SYNJ1: variants seen among roughly 807,000 people sequenced by gnomAD.
SYNJ1 encodes the protein polyphosphatidylinositol phosphatase SYNJ1.
A neutral mutation model predicts 168.2 loss-of-function variants in SYNJ1; 78 were observed. That is an observed-to-expected ratio of 0.46 (90% CI 0.39 to 0.56). The LOEUF (loss-of-function observed/expected upper bound fraction) is 0.56. Among genes scored for constraint, SYNJ1 ranks in the 20% least tolerant of loss-of-function variants. The pLI, the probability that SYNJ1 is intolerant of heterozygous loss-of-function variation, is 0.00. For missense variants in SYNJ1, 1,303 were observed against 1,597.6 expected (o/e 0.82, Z 3.14); for synonymous variants, 539 against 548.6 (o/e 0.98, Z 0.24).
chr21:32,717,565 T>C (rs1290434534), intron 2 of SYNJ1, among the ~76,000 whole-genome samples: 1 of 152,212 alleles, frequency 6.6e-6, no homozygotes, highest in Non-Finnish European at 1.5e-5. Context: ...TTTGCCCCTT[T>C]ACTGAAGCAG....
intron 2 of SYNJ1, among the ~76,000 whole-genome samples, chr21:32,705,520 T>A (rs1484424799): frequency 2.0e-5 from 3 of 152,172 alleles, no homozygotes; most frequent in Non-Finnish European, 4.4e-5. Flanking sequence ...TTGAAGGGGC[T>A]TCTACTGGTG....
intron 2 of SYNJ1, among the ~76,000 whole-genome samples, chr21:32,710,809 TAAG>T (rs1232783950): frequency 2.0e-5 from 3 of 152,092 alleles, no homozygotes; most frequent in Non-Finnish European, 4.4e-5. Context: ...TATAATAAAT[TAAG>T]AAAGGAAAAG....
At chr21:32,645,913 T>C (rs2089456778) in intron 24 of SYNJ1, 124 bp from the exon 25 acceptor site, 2 of 1,348,992 alleles carry the variant, frequency 1.5e-6, no homozygotes, top group Non-Finnish European at 2.1e-6. Context: ...AAAGGGCATG[T>C]ATTTTCAGTA....
At chr21:32,664,202 G>C (rs1443453403) in intron 18 of SYNJ1, among the ~76,000 whole-genome samples, 1 of 152,226 alleles carries the variant, frequency 6.6e-6, no homozygotes, top group African/African-American at 2.4e-5. Context: ...TTCAGCGCAA[G>C]TGTACCATAT....
At chr21:32,645,987 T>A in intron 24 of SYNJ1, 198 bp from the exon 25 acceptor site, 1 of 885,614 alleles carries the variant, frequency 1.1e-6, no homozygotes, top group Non-Finnish European at 1.9e-6. Flanking sequence ...TAATGCTACC[T>A]CTGTGCTGAC....
Position 32,629,984 on chromosome 21 carries a change from A to G in SYNJ1, c.*1821T>C, listed in dbSNP as rs2039259855. 1 of 152,306 alleles carries G rather than the reference A, an allele frequency of 6.6e-6. No homozygotes were observed. Among genetic ancestry groups the G allele is most frequent in the African/African-American group, 2.4e-5 (1 of 41,470 alleles). 9.4% of individuals were successfully genotyped at this position (152,306 alleles called of 1,614,324 possible). On this transcript the variant is annotated 3_prime_UTR_variant, in exon 33 of 33. Coordinates refer to ENST00000674351, the MANE Select transcript of SYNJ1 (RefSeq NM_203446.3). ...CAGGGGACAGCTGCTTTCCCTGCTA[A>G]AAGCAAAGTTCCAGAGCAAAAGCAG...
At chr21:32,703,833 C>T (rs1370385078) in intron 2 of SYNJ1, among the ~76,000 whole-genome samples, 1 of 151,964 alleles carries the variant, frequency 6.6e-6, no homozygotes, top group Non-Finnish European at 1.5e-5. Flanking sequence ...CCCACCTCAG[C>T]CTCCCAAGGA....
rs571022389 is a variant in SYNJ1 at position 32,640,456 on chromosome 21, C to T, written c.3589-677G>A. On this transcript the variant is annotated intron_variant, in intron 29 of 32. Transcript: ENST00000674351. ...GACTACAGGCGCCCGCCACCACACG[C>T]GGCTAATTTTTTGTATTTTTAGTAC... 7.9e-4 allele frequency among the ~76,000 whole-genome samples: 120 copies of T among 152,094 alleles called. 1 individual carries two copies. The highest frequency in any genetic ancestry group is 5.6e-3 in the Admixed American group (86 of 15,276).
intron 20 of SYNJ1, 29 bp downstream of exon 20, chr21:32,656,974 A>T: frequency 2.5e-6 from 4 of 1,610,354 alleles, no homozygotes; most frequent in Non-Finnish European, 3.4e-6. Flanking sequence ...AATTTCAAAC[A>T]CTATTAGAAA....
rs112329724 is a variant in SYNJ1, at chr21:32,667,936, TA to T, written c.1812-1364del. Among the ~76,000 whole-genome samples the T allele has an allele frequency of 7.2e-5, 11 of 152,142 alleles. 1 individual carries two copies. Among genetic ancestry groups the T allele is most frequent in the African/African-American group, 2.7e-4 (11 of 41,504 alleles). On this transcript the variant is annotated intron_variant, in intron 15 of 32. Coordinates refer to ENST00000674351, the MANE Select transcript of SYNJ1 (RefSeq NM_203446.3). ...GTCTGTTTGATTCATTGGAGGTACTTAAGAGTGGTACTCAGTAGGTACTGCT... is the reference window on the plus strand; with the variant it reads ...GTCTGTTTGATTCATTGGAGGTACTTAGAGTGGTACTCAGTAGGTACTGCT...
Position 32,645,146 on chromosome 21 carries a change from A to G in SYNJ1, c.3392-140T>C, listed in dbSNP as rs1434216754. On this transcript the variant is annotated intron_variant, in intron 25 of 32. Transcript: ENST00000674351. ...TTATCTACGTACTACAAAAACTATT[A>G]TTCAATGCATATGCTTATAATTGAA... The G allele has an allele frequency of 6.9e-6, 5 of 721,144 alleles. No individual in the cohort carries two copies. The East Asian group carries it at 1.2e-4, about 17-fold the overall frequency. 44.7% of individuals were successfully genotyped at this position (721,144 alleles called of 1,614,324 possible).
At chr21:32,671,130 G>A (rs1485567868) in intron 14 of SYNJ1, among the ~76,000 whole-genome samples, 3 of 152,012 alleles carry the variant, frequency 2.0e-5, no homozygotes. Flanking sequence ...GCAACATAGT[G>A]AGACCCCCAT....
chr21:32,631,708 T>C lies in SYNJ1; in HGVS notation c.*97A>G, dbSNP rs752478437. ...GACGTTTGAACAGATAGCTGAGCCT[T>C]TGATACAGCAAGCAGATTAAATGAC... On this transcript the variant is annotated 3_prime_UTR_variant, in exon 33 of 33. Coordinates refer to ENST00000674351, the MANE Select transcript of SYNJ1 (RefSeq NM_203446.3). The C allele has an allele frequency of 6.2e-7, 1 of 1,614,244 alleles. No homozygotes were observed. Among genetic ancestry groups the C allele is most frequent in the Non-Finnish European group, 8.5e-7 (1 of 1,180,040 alleles).
At chr21:32,651,475 T>A (rs558214142) in intron 22 of SYNJ1, among the ~76,000 whole-genome samples, 1 of 152,348 alleles carries the variant, frequency 6.6e-6, no homozygotes, top group South Asian at 2.1e-4. Context: ...ATCCTAAGAA[T>A]TCATAATCCT....
chr21:32,652,946 T>C (rs1429261855), intron 22 of SYNJ1, among the ~76,000 whole-genome samples: 1 of 152,244 alleles, frequency 6.6e-6, no homozygotes, highest in Non-Finnish European at 1.5e-5. Context: ...ATGCATTTTC[T>C]TCACTTGATA....
In SYNJ1 at chr21:32,629,977, C is replaced by G. The variant is rs902457269; in HGVS notation, c.*1828G>C. 1.3e-5 allele frequency: 2 copies of G among 152,284 alleles called. No homozygotes were observed. The highest frequency in any genetic ancestry group is 1.5e-5 in the Non-Finnish European group (1 of 68,056). The allele number at this position is 152,284 out of a possible 1,614,324, so 9.4% of individuals were successfully genotyped here. A position where few individuals can be genotyped will look rare whatever the true frequency, so the allele number is the denominator to read the frequency against. ...AAGCACTCAGGGGACAGCTGCTTTC[C>G]CTGCTAAAAGCAAAGTTCCAGAGCA... On this transcript the variant is annotated 3_prime_UTR_variant, in exon 33 of 33. Transcript: ENST00000674351.
In SYNJ1 at chr21:32,650,051, A is replaced by G. The variant is rs569646075; in HGVS notation, c.3037+133T>C. 1.9e-5 allele frequency: 22 copies of G among 1,154,548 alleles called. No homozygotes were observed. In the African/African-American group the frequency reaches 2.4e-4, roughly 13 times the overall value. The allele number at this position is 1,154,548 out of a possible 1,614,324, so 71.5% of individuals were successfully genotyped here. On this transcript the variant is annotated intron_variant, in intron 23 of 32. Coordinates refer to ENST00000674351, the MANE Select transcript of SYNJ1 (RefSeq NM_203446.3). ...AGGCATGAGCTGCCGCACCTGGCCA[A>G]AATACATTCTAATTAATAGTGCTAT...
At chr21:32,706,901 C>T (rs550994619) in intron 2 of SYNJ1, among the ~76,000 whole-genome samples, 101 of 152,216 alleles carry the variant, frequency 6.6e-4, no homozygotes, top group African/African-American at 2.4e-3. Flanking sequence ...AGGCTATATA[C>T]AACATTACAT....
intron 14 of SYNJ1, among the ~76,000 whole-genome samples, chr21:32,672,059 C>CAAAAAAAAAAAAAAAAAAAAAAAAAAAA (rs1160074724): frequency 8.1e-5 from 2 of 24,668 alleles, no homozygotes; most frequent in Non-Finnish European, 1.5e-4. Flanking sequence ...AACTCAATCT[C>CAAAAAAAAAAAAAAAAAAAAAAAAAAAA]AAAAAAAAAA....
Sources: allele counts gnomAD v4.1 joint callset (sites outside exome capture counted in the v4.1 genomes callset), GRCh38; gene constraint gnomAD v4.1.1; transcripts MANE v1.5; gene names NCBI Gene and HGNC (gene_info 2026-07-23, HGNC 2026-07-21).